The following HES7 variants were observed in gnomAD, a reference collection of about 807,000 sequenced individuals.
HES7 encodes transcription factor HES-7.
A neutral mutation model predicts 18.0 loss-of-function variants in HES7; 8 were observed. That is an observed-to-expected ratio of 0.45 (90% CI 0.26 to 0.80). The LOEUF is 0.80. Ranked by LOEUF, HES7 falls within the 30% of genes least tolerant of loss-of-function variation. The pLI is 0.18. For missense variants in HES7, 356 were observed against 340.9 expected (o/e 1.04, Z -0.35); for synonymous variants, 170 against 158.6 (o/e 1.07, Z -0.54).
rs1382192875 is a variant in HES7 at position 8,123,334 on chromosome 17, G to T, written c.43-208C>A. On this transcript the variant is annotated intron_variant, in intron 1 of 3. Transcript: ENST00000541682. The surrounding 1 kb of genome is among the most constrained non-coding windows in gnomAD (Gnocchi z 5.9). ...CTGTAGCTCGCCTCCCCGGATCTTC[G>T]CATTCTCCTCTCTCAGTCTCGTCCT... 3.3e-6 allele frequency: 2 copies of T among 602,124 alleles called. No individual in the cohort carries two copies. Among genetic ancestry groups the T allele is most frequent in the Non-Finnish European group, 6.0e-6 (2 of 335,894 alleles). The allele number at this position is 602,124 out of a possible 1,614,324, so 37.3% of individuals were successfully genotyped here.
chr17:8,123,046 C>T lies in HES7; in HGVS notation c.123G>A (p.Glu41=), dbSNP rs61731639. ...AGGGACTGACCTGGTCCCGGGTCCG[C>T]TCCAGCAGCAGCAGCCTCAGCTCTT... ...SLEELRLLLL[E]RTRDQNLRNP... Residue 41 remains glutamate, a synonymous_variant, in exon 2 of 4, where the codon GAG becomes GAA. Transcript: ENST00000541682. The surrounding 1 kb of genome is among the most constrained non-coding windows in gnomAD (Gnocchi z 5.9). The T allele has an allele frequency of 0.061, 97,073 of 1,600,464 alleles. 9,287 individuals carry two copies. The highest frequency in any genetic ancestry group is 0.42 in the East Asian group (18,691 of 44,058).
chr17:8,126,080 G>A (rs1981598044), upstream of HES7, among the ~76,000 whole-genome samples: 1 of 151,208 alleles, frequency 6.6e-6, no homozygotes, highest in East Asian at 2.0e-4. Flanking sequence ...AGGACACAGT[G>A]CTCGGATCTC....
chr17:8,125,768 A>C (rs566330014), upstream of HES7, among the ~76,000 whole-genome samples: 13 of 152,292 alleles, frequency 8.5e-5, no homozygotes, highest in South Asian at 2.1e-4. Flanking sequence ...CAGTGGTAGA[A>C]TTCTCGCCTG....
chr17:8,124,123 C>T (rs773960448), upstream of HES7: 1 of 1,613,662 alleles, frequency 6.2e-7, no homozygotes, highest in East Asian at 2.2e-5. Flanking sequence ...TCCCTGCTCG[C>T]CTGGAGCCTT....
In HES7 at chr17:8,123,940, C is replaced by T. The variant is rs915660757; in HGVS notation, c.42+103G>A. 2 of 1,318,692 alleles carry T rather than the reference C, an allele frequency of 1.5e-6. No homozygotes were observed. The highest frequency in any genetic ancestry group is 1.2e-5 in the South Asian group (1 of 83,066). The allele number at this position is 1,318,692 out of a possible 1,614,324, so 81.7% of individuals were successfully genotyped here. A position where few individuals can be genotyped will look rare whatever the true frequency, so the allele number is the denominator to read the frequency against. On this transcript the variant is annotated intron_variant, in intron 1 of 3. Coordinates refer to ENST00000541682, the MANE Select transcript of HES7 (RefSeq NM_001165967.2). The surrounding 1 kb of genome is among the most constrained non-coding windows in gnomAD (Gnocchi z 5.9). ...CCTGGAGTTCTGGAGCACCGCTCCC[C>T]TTCCACCCCTGCGTCCCCAGCCTCT...
In HES7 at chr17:8,124,059, T is replaced by C. The variant is rs994948932; in HGVS notation, c.26A>G (p.Asn9Ser). MVTRDRAE[N>S]RDGPKMLKPL... ...GCCTCTCACCTTGGGGCCGTCCCTA[T>C]TCTCAGCTCGATCCCGGGTGACCAT... The change falls in exon 1 of 4, where the codon AAT (asparagine) becomes AGT (serine). Residue 9 changes from asparagine to serine, a missense_variant. Transcript: ENST00000541682. 30 of 1,613,916 alleles carry C rather than the reference T, an allele frequency of 1.9e-5. No homozygotes were observed. Among genetic ancestry groups the C allele is most frequent in the African/African-American group, 4.0e-5 (3 of 74,920 alleles).
chr17:8,124,059 T>A lies in HES7; in HGVS notation c.26A>T (p.Asn9Ile). 6.2e-7 allele frequency: 1 copy of A among 1,614,034 alleles called. No homozygotes were observed. The highest frequency in any genetic ancestry group is 8.5e-7 in the Non-Finnish European group (1 of 1,180,002). The change falls in exon 1 of 4, where the codon AAT becomes ATT. Residue 9 changes from asparagine to isoleucine, a missense_variant. Coordinates refer to ENST00000541682, the MANE Select transcript of HES7 (RefSeq NM_001165967.2). ...GCCTCTCACCTTGGGGCCGTCCCTATTCTCAGCTCGATCCCGGGTGACCAT... is the reference window on the plus strand; with the variant it reads ...GCCTCTCACCTTGGGGCCGTCCCTAATCTCAGCTCGATCCCGGGTGACCAT... MVTRDRAE[N>I]RDGPKMLKPL...
Position 8,121,382 on chromosome 17 carries a change from G to C in HES7, c.*189C>G, listed in dbSNP as rs1598230126. Reference sequence around the variant, plus strand: ...GGGAGAAGTTGGGGCAGGGAAAAGGGACAGGAACCAGGGAAATATATATTT... The same window carrying C: ...GGGAGAAGTTGGGGCAGGGAAAAGGCACAGGAACCAGGGAAATATATATTT... On this transcript the variant is annotated 3_prime_UTR_variant, in exon 4 of 4. Transcript: ENST00000541682. 1 of 417,892 alleles carries C rather than the reference G, an allele frequency of 2.4e-6. No homozygotes were observed. The highest frequency in any genetic ancestry group is 2.0e-5 in the African/African-American group (1 of 48,856). 25.9% of individuals were successfully genotyped at this position (417,892 alleles called of 1,614,324 possible).
At chr17:8,126,085 G>A (rs906176175), upstream of HES7, among the ~76,000 whole-genome samples, 3 of 151,544 alleles carry the variant, frequency 2.0e-5, no homozygotes, top group Non-Finnish European at 4.4e-5. Flanking sequence ...ACAGTGCTCG[G>A]ATCTCGGCCC....
At position 8,122,199 on chromosome 17, in the gene HES7, C is replaced by G; in HGVS notation, c.226+144G>C. The G allele has an allele frequency of 3.3e-6, 3 of 899,052 alleles. No homozygotes were observed. The highest frequency in any genetic ancestry group is 2.7e-5 in the East Asian group (1 of 37,270). The allele number at this position is 899,052 out of a possible 1,614,324, so 55.7% of individuals were successfully genotyped here. A position where few individuals can be genotyped will look rare whatever the true frequency, so the allele number is the denominator to read the frequency against. On this transcript the variant is annotated intron_variant, in intron 3 of 3. Coordinates refer to ENST00000541682, the MANE Select transcript of HES7 (RefSeq NM_001165967.2). This position sits in a 1 kb window ranked among gnomAD's most constrained non-coding sequence, Gnocchi z 6.9. ...TGAGGGAGACACAGAGACAGACACG[C>G]GCGGGTGTTATTAACCTCGCCTCGG...
chr17:8,123,330 C>A lies in HES7; in HGVS notation c.43-204G>T, dbSNP rs773754529. 3 of 604,060 alleles carry A rather than the reference C, an allele frequency of 5.0e-6. No homozygotes were observed. The highest frequency in any genetic ancestry group is 8.9e-6 in the Non-Finnish European group (3 of 336,834). 37.4% of individuals were successfully genotyped at this position (604,060 alleles called of 1,614,324 possible). ...GTTTCTGTAGCTCGCCTCCCCGGAT[C>A]TTCGCATTCTCCTCTCTCAGTCTCG... On this transcript the variant is annotated intron_variant, in intron 1 of 3. Coordinates refer to ENST00000541682, the MANE Select transcript of HES7 (RefSeq NM_001165967.2). This position sits in a 1 kb window ranked among gnomAD's most constrained non-coding sequence, Gnocchi z 5.9.
intron 1 of HES7, 29 bp downstream of exon 1, chr17:8,124,014 C>T (rs1478924182): frequency 3.7e-6 from 6 of 1,612,932 alleles, no homozygotes; most frequent in Middle Eastern, 1.7e-4. Context: ...AAACCAGGGA[C>T]CTCTGCTCCC....
chr17:8,123,377 T>G lies in HES7; in HGVS notation c.43-251A>C, dbSNP rs908281855. The G allele has an allele frequency of 5.2e-6, 3 of 577,710 alleles. No homozygotes were observed. In the South Asian group the frequency reaches 6.0e-5, roughly 12 times the overall value. The allele number at this position is 577,710 out of a possible 1,614,324, so 35.8% of individuals were successfully genotyped here. A position where few individuals can be genotyped will look rare whatever the true frequency, so the allele number is the denominator to read the frequency against. On this transcript the variant is annotated intron_variant, in intron 1 of 3. Coordinates refer to ENST00000541682, the MANE Select transcript of HES7 (RefSeq NM_001165967.2). The surrounding 1 kb of genome is among the most constrained non-coding windows in gnomAD (Gnocchi z 5.9). ...CTCGTCCTCCCTCCTCCCCTCTCTG[T>G]GTCTCTCCTCCTCTTTTCTCTCTAC... is the stretch of plus-strand genomic sequence containing the variant.
upstream of HES7, among the ~76,000 whole-genome samples, chr17:8,125,297 T>A (rs1981550876): frequency 2.6e-5 from 4 of 152,012 alleles, no homozygotes; most frequent in Admixed American, 2.6e-4. Flanking sequence ...CCAACGGCCC[T>A]CCGCACCTTG....
At position 8,123,725 on chromosome 17, in the gene HES7, C is replaced by T. The variant is rs74600532; in HGVS notation, c.42+318G>A. Among the ~76,000 whole-genome samples, 87 of 152,242 alleles carry T rather than the reference C, an allele frequency of 5.7e-4. 2 individuals are homozygous for T. In the East Asian group the frequency reaches 0.015, roughly 26 times the overall value. On this transcript the variant is annotated intron_variant, in intron 1 of 3. Coordinates refer to ENST00000541682, the MANE Select transcript of HES7 (RefSeq NM_001165967.2). The surrounding 1 kb of genome is among the most constrained non-coding windows in gnomAD (Gnocchi z 5.9). ...GTGCCTATCCTCTTCTCTTTTCGTT[C>T]CCACCCTCCTCCCTTGGCTCTGCCC...
Position 8,123,462 on chromosome 17 carries a change from GCAC to G in HES7, c.43-339_43-337del, listed in dbSNP as rs1981468493. 1.9e-5 allele frequency: 8 copies of G among 420,094 alleles called. 1 individual carries two copies. In the South Asian group the frequency reaches 2.0e-4, roughly 10 times the overall value. 26.0% of individuals were successfully genotyped at this position (420,094 alleles called of 1,614,324 possible). A position where few individuals can be genotyped will look rare whatever the true frequency, so the allele number is the denominator to read the frequency against. ...GGAGAACTTTGGGGACTCTCTGCGC[GCAC>G]GCACGTGCGCCGCACGGTGCCGGGC... On this transcript the variant is annotated intron_variant, in intron 1 of 3. Coordinates refer to ENST00000541682, the MANE Select transcript of HES7 (RefSeq NM_001165967.2). This position sits in a 1 kb window ranked among gnomAD's most constrained non-coding sequence, Gnocchi z 5.9.
At chr17:8,124,173 C>T (rs1246162766), upstream of HES7, 23 of 1,521,808 alleles carry the variant, frequency 1.5e-5, no homozygotes, top group Non-Finnish European at 2.1e-5. Context: ...AGGACCCGAC[C>T]CCGCCCCCTT....
chr17:8,122,711 G>A lies in HES7; in HGVS notation c.139-281C>T, dbSNP rs1598232309. Among the ~76,000 whole-genome samples, 1 of 152,244 alleles carries A rather than the reference G, an allele frequency of 6.6e-6. No individual in the cohort carries two copies. The highest frequency in any genetic ancestry group is 1.9e-4 in the East Asian group (1 of 5,184). On this transcript the variant is annotated intron_variant, in intron 2 of 3. Coordinates refer to ENST00000541682, the MANE Select transcript of HES7 (RefSeq NM_001165967.2). This position sits in a 1 kb window ranked among gnomAD's most constrained non-coding sequence, Gnocchi z 6.9. The stretch of plus-strand genomic sequence containing the variant: ...ACCCAGGGAATGAAATTAACCACCC[G>A]ACATAACAGAGGCTGGCTCATCAGA...
Position 8,123,976 on chromosome 17 carries a change from A to G in HES7, c.42+67T>C, listed in dbSNP as rs184488032. On this transcript the variant is annotated intron_variant, in intron 1 of 3. Coordinates refer to ENST00000541682, the MANE Select transcript of HES7 (RefSeq NM_001165967.2). The surrounding 1 kb of genome is among the most constrained non-coding windows in gnomAD (Gnocchi z 5.9). ...GCGTCCCCAGCCTCTCTCCAGACCG[A>G]CGGCGTCAGGGGCCCAGTCCCCTAG... 94 of 1,573,096 alleles carry G rather than the reference A, an allele frequency of 6.0e-5. No individual in the cohort carries two copies. In the African/African-American group the frequency reaches 1.2e-3, roughly 20 times the overall value.
Sources: allele counts gnomAD v4.1 joint callset (sites outside exome capture counted in the v4.1 genomes callset), GRCh38; gene constraint gnomAD v4.1.1; non-coding constraint Gnocchi (gnomAD v3.1); transcripts MANE v1.5; gene names NCBI Gene and HGNC (gene_info 2026-07-23, HGNC 2026-07-21).